BMERB1: variants seen among roughly 807,000 people sequenced by gnomAD.
BMERB1 encodes the protein bMERB domain-containing protein 1.
In BMERB1, 12 loss-of-function variants were observed where a neutral mutation model predicts 23.6. The ratio of observed to expected loss-of-function variants is 0.51; its 90% CI spans 0.33 to 0.82. BMERB1 has a LOEUF of 0.82. BMERB1 is among the 40% of genes least tolerant of loss of function. The pLI is 0.03. For missense variants in BMERB1, 247 were observed against 255.4 expected (o/e 0.97, Z 0.22); for synonymous variants, 122 against 96.6 (o/e 1.26, Z -1.54).
At chr16:15,516,797 G>A (rs1236767276) in intron 2 of BMERB1, among the ~76,000 whole-genome samples, 1 of 152,164 alleles carries the variant, frequency 6.6e-6, no homozygotes, top group Non-Finnish European at 1.5e-5. Context: ...TGGGGAGTTA[G>A]GGTTCAGACT....
At chr16:15,499,618 C>T (rs2051507972) in intron 1 of BMERB1, among the ~76,000 whole-genome samples, 1 of 152,038 alleles carries the variant, frequency 6.6e-6, no homozygotes, top group African/African-American at 2.4e-5. Flanking sequence ...CTTGAGTCCA[C>T]CTGGGAAGGG....
At chr16:15,580,050 A>G (rs961226819) in intron 3 of BMERB1, among the ~76,000 whole-genome samples, 4 of 150,436 alleles carry the variant, frequency 2.7e-5, no homozygotes, top group East Asian at 2.0e-4. Context: ...TGCATTAGCT[A>G]TTTTTCCTGA....
chr16:15,531,694 T>TA (rs1386916197), intron 2 of BMERB1, among the ~76,000 whole-genome samples: 2 of 152,180 alleles, frequency 1.3e-5, no homozygotes, highest in Non-Finnish European at 2.9e-5. Context: ...GGGCAATAGA[T>TA]ACCAGTAAAT....
chr16:15,489,179 GC>G (rs2051394800), intron 1 of BMERB1, among the ~76,000 whole-genome samples: 1 of 152,170 alleles, frequency 6.6e-6, no homozygotes, highest in Admixed American at 6.5e-5. Flanking sequence ...GGTAGGGTAA[GC>G]CCCATTAAAT....
intron 1 of BMERB1, among the ~76,000 whole-genome samples, chr16:15,468,112 CT>C (rs1598455199): frequency 1.2e-5 from 1 of 86,558 alleles, no homozygotes; most frequent in Non-Finnish European, 2.6e-5. Flanking sequence ...TTTTTCTTTT[CT>C]TTTCTTTCTT....
intron 2 of BMERB1, among the ~76,000 whole-genome samples, chr16:15,532,231 G>GT (rs200679110): frequency 2.7e-4 from 40 of 148,230 alleles, no homozygotes; most frequent in South Asian, 8.7e-4. Flanking sequence ...TTGTTTTTTT[G>GT]TTTTTTTTGT....
At chr16:15,501,287 CTTTTTTTTTTTT>C (rs71152437) in intron 1 of BMERB1, among the ~76,000 whole-genome samples, 4 of 64,922 alleles carry the variant, frequency 6.2e-5, no homozygotes, top group African/African-American at 1.2e-4. Context: ...GCTCTTTTTA[CTTTTTTTTTTTT>C]TTTTTTTTTT....
At chr16:15,484,218 A>C (rs187568128) in intron 1 of BMERB1, among the ~76,000 whole-genome samples, 34 of 152,312 alleles carry the variant, frequency 2.2e-4, no homozygotes, top group Non-Finnish European at 4.1e-4. Context: ...CTGGGGATCA[A>C]ATTTTAACAT....
chr16:15,453,003 T>C (rs1001325329), intron 1 of BMERB1, among the ~76,000 whole-genome samples: 2 of 151,876 alleles, frequency 1.3e-5, no homozygotes, highest in African/African-American at 4.8e-5. Context: ...CTAATAAAAA[T>C]AACAACAACA....
intron 2 of BMERB1, among the ~76,000 whole-genome samples, chr16:15,543,563 A>G (rs965828842): frequency 2.0e-5 from 3 of 152,056 alleles, no homozygotes; most frequent in South Asian, 2.1e-4. Flanking sequence ...GCTCAATCCT[A>G]TAATCCCAGC....
intron 2 of BMERB1, among the ~76,000 whole-genome samples, chr16:15,533,312 G>C (rs1472299142): frequency 6.6e-6 from 1 of 152,010 alleles, no homozygotes; most frequent in East Asian, 1.9e-4. Flanking sequence ...TTGTTGAAAC[G>C]ACGAGAGAAG....
At chr16:15,517,865 ATG>A (rs1189309644) in intron 2 of BMERB1, among the ~76,000 whole-genome samples, 1 of 124,720 alleles carries the variant, frequency 8.0e-6, no homozygotes, top group Non-Finnish European at 1.7e-5. Context: ...GTGTGTGTGG[ATG>A]TGTGTGGGTG....
At chr16:15,488,766 C>T (rs1462542940) in intron 1 of BMERB1, among the ~76,000 whole-genome samples, 7 of 149,372 alleles carry the variant, frequency 4.7e-5, no homozygotes, top group African/African-American at 2.5e-5. Flanking sequence ...TGGCGTGAAC[C>T]GAGATCGCGC....
intron 1 of BMERB1, among the ~76,000 whole-genome samples, chr16:15,474,488 C>G (rs944128448): frequency 3.9e-5 from 6 of 152,126 alleles, no homozygotes. Context: ...CCTCAGCCTC[C>G]TGAATTGAGT....
intron 1 of BMERB1, among the ~76,000 whole-genome samples, chr16:15,444,133 T>TTTTTTTG (rs2050968708): frequency 8.7e-6 from 1 of 115,430 alleles, no homozygotes; most frequent in Admixed American, 8.8e-5. Context: ...GTTTTTTTTT[T>TTTTTTTG]TTTTTTTTTT....
chr16:15,538,680 G>A (rs2052050844), intron 2 of BMERB1, among the ~76,000 whole-genome samples: 1 of 152,166 alleles, frequency 6.6e-6, no homozygotes, highest in Non-Finnish European at 1.5e-5. Flanking sequence ...AATTCGGAAA[G>A]CTTGCCCAGG....
At chr16:15,566,270 A>G (rs1596399162) in intron 2 of BMERB1, among the ~76,000 whole-genome samples, 2 of 152,208 alleles carry the variant, frequency 1.3e-5, no homozygotes, top group South Asian at 2.1e-4. Context: ...AAGCAACCCA[A>G]TTACTGAGAT....
chr16:15,558,904 G>C (rs2030343346), intron 2 of BMERB1, among the ~76,000 whole-genome samples: 1 of 151,704 alleles, frequency 6.6e-6, no homozygotes, highest in African/African-American at 2.4e-5. Context: ...AGAACCGAAG[G>C]CCCTAATTAT....
chr16:15,538,599 A>T (rs1259747922), intron 2 of BMERB1, among the ~76,000 whole-genome samples: 1 of 152,188 alleles, frequency 6.6e-6, no homozygotes, highest in Non-Finnish European at 1.5e-5. Context: ...TCCAGAGGAA[A>T]ATTCCAGCGG....
Sources: allele counts gnomAD v4.1 joint callset (sites outside exome capture counted in the v4.1 genomes callset), GRCh38; gene constraint gnomAD v4.1.1; transcripts MANE v1.5; gene names NCBI Gene and HGNC (gene_info 2026-07-23, HGNC 2026-07-21).